The following RTN1 variants were observed in gnomAD, a reference collection of about 807,000 sequenced individuals.
The protein encoded by RTN1 is reticulon 1.
In RTN1, 25 loss-of-function variants were observed where a neutral mutation model predicts 65.5. The ratio of observed to expected loss-of-function variants is 0.38; its 90% CI spans 0.28 to 0.53. RTN1 has a LOEUF of 0.53. Among genes scored for constraint, RTN1 ranks in the 20% least tolerant of loss-of-function variants. The pLI, the probability that RTN1 is intolerant of heterozygous loss-of-function variation, is 0.79. For missense variants in RTN1, 983 were observed against 1,025.4 expected (o/e 0.96, Z 0.57); for synonymous variants, 471 against 447.6 (o/e 1.05, Z -0.66).
chr14:59,619,486 C>A (rs1282735582), intron 3 of RTN1, among the ~76,000 whole-genome samples: 1 of 152,148 alleles, frequency 6.6e-6, no homozygotes, highest in Admixed American at 6.5e-5. Context: ...TCCTTAATAT[C>A]ATATATCCAA....
chr14:59,608,633 C>T (rs78708007), intron 3 of RTN1, among the ~76,000 whole-genome samples: 9,156 of 152,222 alleles, frequency 0.06, 346 homozygotes, highest in Non-Finnish European at 0.087. Flanking sequence ...TCATAACAGG[C>T]TGAGGATACT....
intron 1 of RTN1, among the ~76,000 whole-genome samples, chr14:59,812,263 TGA>T (rs1211968043): frequency 6.6e-6 from 1 of 151,882 alleles, no homozygotes; most frequent in African/African-American, 2.4e-5. Flanking sequence ...TAGGGGAAAA[TGA>T]GGGTAAAAGA....
At chr14:59,639,359 T>C (rs1351202086) in intron 3 of RTN1, among the ~76,000 whole-genome samples, 1 of 152,200 alleles carries the variant, frequency 6.6e-6, no homozygotes, top group East Asian at 1.9e-4. Flanking sequence ...GTTGAAAAGA[T>C]GGTGCTAATA....
intron 3 of RTN1, among the ~76,000 whole-genome samples, chr14:59,684,469 C>T (rs574920811): frequency 6.6e-6 from 1 of 151,806 alleles, no homozygotes; most frequent in Non-Finnish European, 1.5e-5. Context: ...ATATTATTTT[C>T]TATAAAAATA....
intron 3 of RTN1, among the ~76,000 whole-genome samples, chr14:59,662,201 T>G (rs564156230): frequency 6.6e-6 from 1 of 152,062 alleles, no homozygotes; most frequent in Non-Finnish European, 1.5e-5. Flanking sequence ...AGGGTACATG[T>G]GCACAATGTG....
chr14:59,864,571 A>G (rs1887766016), intron 1 of RTN1, among the ~76,000 whole-genome samples: 4 of 151,716 alleles, frequency 2.6e-5, no homozygotes, highest in Admixed American at 2.6e-4. Context: ...AGTATAGTTT[A>G]TGGATGAGAG....
At chr14:59,749,550 TATAG>T (rs570642435) in intron 1 of RTN1, among the ~76,000 whole-genome samples, 4 of 50,684 alleles carry the variant, frequency 7.9e-5, no homozygotes, top group African/African-American at 6.2e-4. Context: ...TATATATTTA[TATAG>T]ATATCTATAT....
intron 1 of RTN1, among the ~76,000 whole-genome samples, chr14:59,776,553 G>T (rs879938176): frequency 1.3e-5 from 2 of 152,120 alleles, no homozygotes; most frequent in African/African-American, 2.4e-5. Flanking sequence ...CATGAAATGG[G>T]CTAAGACATT....
intron 1 of RTN1, among the ~76,000 whole-genome samples, chr14:59,773,372 A>G (rs1885993533): frequency 6.6e-6 from 1 of 152,152 alleles, no homozygotes; most frequent in Non-Finnish European, 1.5e-5. Flanking sequence ...ATGTCATGTA[A>G]TTCACTATTG....
At chr14:59,672,965 T>C (rs1376524861) in intron 3 of RTN1, among the ~76,000 whole-genome samples, 1 of 152,240 alleles carries the variant, frequency 6.6e-6, no homozygotes, top group East Asian at 1.9e-4. Context: ...TGCCTTGACT[T>C]CTTTGGTTAA....
chr14:59,862,456 T>C (rs1887727826), intron 1 of RTN1, among the ~76,000 whole-genome samples: 1 of 152,178 alleles, frequency 6.6e-6, no homozygotes, highest in Admixed American at 6.5e-5. Context: ...TCCTACTATC[T>C]ACCTCAAACA....
At chr14:59,675,300 A>G (rs1370064006) in intron 3 of RTN1, among the ~76,000 whole-genome samples, 1 of 152,158 alleles carries the variant, frequency 6.6e-6, no homozygotes, top group African/African-American at 2.4e-5. Context: ...GAGAAAGGGG[A>G]AAATGGACTG....
At chr14:59,750,336 T>TA (rs1566713633) in intron 1 of RTN1, among the ~76,000 whole-genome samples, 444 of 16,444 alleles carry the variant, frequency 0.027, 27 homozygotes, top group Admixed American at 0.05. Flanking sequence ...TATAATATAT[T>TA]ATATCTATAA....
intron 3 of RTN1, among the ~76,000 whole-genome samples, chr14:59,725,327 ATTAG>A (rs1260586208): frequency 1.3e-5 from 2 of 152,232 alleles, no homozygotes; most frequent in Admixed American, 6.5e-5. Context: ...TCTCAGGAAC[ATTAG>A]TTAGGGGATA....
At chr14:59,826,041 T>C (rs1418394167) in intron 1 of RTN1, among the ~76,000 whole-genome samples, 2 of 152,040 alleles carry the variant, frequency 1.3e-5, no homozygotes, top group African/African-American at 4.8e-5. Flanking sequence ...AACACCTGGA[T>C]CAAAAAGAGC....
intron 3 of RTN1, among the ~76,000 whole-genome samples, chr14:59,626,268 C>T (rs1383669850): frequency 6.6e-6 from 1 of 152,020 alleles, no homozygotes; most frequent in South Asian, 2.1e-4. Context: ...AGTGTTTCCA[C>T]GAACACTGTA....
intron 3 of RTN1, among the ~76,000 whole-genome samples, chr14:59,667,859 A>G (rs923668683): frequency 6.6e-6 from 1 of 152,134 alleles, no homozygotes. Context: ...CACAATTGCT[A>G]CAAAGAGAAT....
At position 59,832,063 on chromosome 14, in the gene RTN1, AT is replaced by A. The variant is rs1887133907; in HGVS notation, c.241+38326del. 2.0e-5 allele frequency among the ~76,000 whole-genome samples: 3 copies of A among 152,248 alleles called. No homozygotes were observed. In the South Asian group the frequency reaches 6.2e-4, roughly 32 times the overall value. The stretch of plus-strand genomic sequence containing the variant: ...GGGTTACAAGGATCTTAAAAGGGTC[AT>A]TAAACACCTCCCCCAACTCTGAGTT... On this transcript the variant is annotated intron_variant, in intron 1 of 8. Coordinates refer to ENST00000267484, the MANE Select transcript of RTN1 (RefSeq NM_021136.3).
chr14:59,820,668 C>T (rs1886927799), intron 1 of RTN1, among the ~76,000 whole-genome samples: 1 of 152,098 alleles, frequency 6.6e-6, no homozygotes, highest in African/African-American at 2.4e-5. Flanking sequence ...AGTGCTTTCC[C>T]CATTGCATGT....
Sources: allele counts gnomAD v4.1 joint callset (sites outside exome capture counted in the v4.1 genomes callset), GRCh38; gene constraint gnomAD v4.1.1; transcripts MANE v1.5; gene names NCBI Gene and HGNC (gene_info 2026-07-23, HGNC 2026-07-21).